PELP1: variants seen among roughly 807,000 people sequenced by gnomAD.
The protein encoded by PELP1 is proline-, glutamic acid- and leucine-rich protein 1.
Under a neutral mutation model 95.5 loss-of-function variants are expected in PELP1, and 32 were observed. The ratio of observed to expected loss-of-function variants is 0.34; its 90% CI spans 0.25 to 0.45. The LOEUF (loss-of-function observed/expected upper bound fraction) is 0.45. Among genes scored for constraint, PELP1 ranks in the 20% least tolerant of loss-of-function variants. The pLI, the probability that PELP1 is intolerant of heterozygous loss-of-function variation, is 1.00. For missense variants in PELP1, 1,358 were observed against 1,444.8 expected, an observed-to-expected ratio of 0.94 and a Z score of 0.97; for synonymous variants, 668 against 600.1, an observed-to-expected ratio of 1.11 and a Z score of -1.65.
At position 4,672,765 on chromosome 17, in the gene PELP1, A is replaced by G; in HGVS notation, c.2226T>C (p.Pro742=). 1 of 1,613,548 alleles carries G rather than the reference A, an allele frequency of 6.2e-7. No individual in the cohort carries two copies. Among genetic ancestry groups the G allele is most frequent in the Non-Finnish European group, 8.5e-7 (1 of 1,179,648 alleles). Residue 742 remains proline, a synonymous_variant, in exon 16 of 17, where the codon CCT becomes CCC. Transcript: ENST00000572293. ...GTATAGTAGGTGGGGGAGTCCCACTAGGGGCAAGGATGGGGTCCTCATTTG... is the reference window on the plus strand; with the variant it reads ...GTATAGTAGGTGGGGGAGTCCCACTGGGGGCAAGGATGGGGTCCTCATTTG... The part of the protein sequence containing the change: ...AGSNEDPILA[P]SGTPPPTIPP...
intron 1 of PELP1, among the ~76,000 whole-genome samples, chr17:4,703,326 G>A (rs1186220166): frequency 1.3e-5 from 2 of 152,022 alleles, no homozygotes; most frequent in Non-Finnish European, 2.9e-5. Flanking sequence ...CATCCTTAGG[G>A]TCTCAGCTTA....
At chr17:4,690,008 A>G (rs188387535) in intron 3 of PELP1, among the ~76,000 whole-genome samples, 5 of 152,306 alleles carry the variant, frequency 3.3e-5, no homozygotes, top group Admixed American at 2.6e-4. Context: ...CCTGGGCGAC[A>G]GAGCAAAACT....
chr17:4,700,325 A>G (rs1913473550), intron 1 of PELP1, among the ~76,000 whole-genome samples: 1 of 151,994 alleles, frequency 6.6e-6, no homozygotes, highest in Non-Finnish European at 1.5e-5. Flanking sequence ...AGATTTTTTT[A>G]TTTAAGTAGG....
chr17:4,672,287 CCTCT>C lies in PELP1; in HGVS notation c.2700_2703del (p.Glu901LysfsTer41). On this transcript the variant is annotated frameshift_variant, in exon 16 of 17. Transcript: ENST00000572293. LOFTEE classifies it high-confidence loss of function. Reference sequence around the variant, plus strand: ...AAGTCTTCCTCCTCTTCCTCTTCTTCCTCTTCTTCTTCTTCCTCTTCTTCCTCTT... The same window carrying C: ...AAGTCTTCCTCCTCTTCCTCTTCTTCTCTTCTTCTTCCTCTTCTTCCTCTT... 1 of 1,551,228 alleles carries C rather than the reference CCTCT, an allele frequency of 6.4e-7. No individual in the cohort carries two copies. The highest frequency in any genetic ancestry group is 8.7e-7 in the Non-Finnish European group (1 of 1,146,552).
Position 4,673,199 on chromosome 17 carries a change from G to A in PELP1, c.1845+51C>T. 3 of 1,529,606 alleles carry A rather than the reference G, an allele frequency of 2.0e-6. No individual in the cohort carries two copies. The highest frequency in any genetic ancestry group is 2.4e-5 in the South Asian group (2 of 81,962). 94.8% of individuals were successfully genotyped at this position (1,529,606 alleles called of 1,614,324 possible). ...GCACCAGAAATACTGGGAGTCTCTT[G>A]GAAACAAGAGACTCCAGGAACCAAA... On this transcript the variant is annotated intron_variant, in intron 15 of 16. Transcript: ENST00000572293. This position sits in a 1 kb window ranked among gnomAD's most constrained non-coding sequence, Gnocchi z 5.7.
intron 5 of PELP1, among the ~76,000 whole-genome samples, chr17:4,681,113 A>G (rs1912667871): frequency 6.6e-6 from 1 of 152,224 alleles, no homozygotes; most frequent in South Asian, 2.1e-4. Context: ...ATACACAGAA[A>G]GAAGTGTTAG....
chr17:4,699,108 C>T (rs1050339480), intron 1 of PELP1, among the ~76,000 whole-genome samples: 2 of 152,124 alleles, frequency 1.3e-5, no homozygotes, highest in African/African-American at 4.8e-5. Context: ...CAGCCAGGTG[C>T]GGTGGCTCAG....
intron 5 of PELP1, among the ~76,000 whole-genome samples, chr17:4,679,100 C>T (rs1157543133): frequency 1.3e-5 from 2 of 151,908 alleles, no homozygotes; most frequent in Non-Finnish European, 2.9e-5. Flanking sequence ...GATCTCAGCT[C>T]ACTGCACCCT....
chr17:4,682,526 G>A lies in PELP1; in HGVS notation c.618C>T (p.Phe206=), dbSNP rs11541059. ...LEGMKACMTY[F]PRACGSLKGK... is the part of the protein sequence containing the mutation. The stretch of plus-strand genomic sequence containing the variant: ...CTTTGAGAGAACCACAAGCCCGAGG[G>A]AAATAGGTCATACAAGCCTTCATTC... Residue 206 remains phenylalanine, a synonymous_variant, in exon 5 of 17, where the codon TTC becomes TTT. Transcript: ENST00000572293. 67,479 of 1,611,920 alleles carry A rather than the reference G, an allele frequency of 0.042. 1,943 individuals are homozygous for A. Among genetic ancestry groups the A allele is most frequent in the Admixed American group, 0.13 (7,687 of 60,010 alleles).
Position 4,673,915 on chromosome 17 carries a change from A to G in PELP1, c.1583-241T>C, listed in dbSNP as rs1436166058. On this transcript the variant is annotated intron_variant, in intron 13 of 16. Transcript: ENST00000572293. This position sits in a 1 kb window ranked among gnomAD's most constrained non-coding sequence, Gnocchi z 5.7. ...AAATTTTATAATTTTGCATTTATAT[A>G]TTTGGGAACAATCGGTTCTCCCCTT... The G allele has an allele frequency of 1.9e-6, 1 of 514,210 alleles. No homozygotes were observed. The highest frequency in any genetic ancestry group is 1.9e-5 in the African/African-American group (1 of 52,378). 31.9% of individuals were successfully genotyped at this position (514,210 alleles called of 1,614,324 possible).
In PELP1 at chr17:4,693,805, C is replaced by T. The variant is rs149623893; in HGVS notation, c.250-2363G>A. Among the ~76,000 whole-genome samples, 44 of 152,250 alleles carry T rather than the reference C, an allele frequency of 2.9e-4. No homozygotes were observed. The East Asian group carries it at 8.5e-3, about 29-fold the overall frequency. On this transcript the variant is annotated intron_variant, in intron 1 of 16. Coordinates refer to ENST00000572293, the MANE Select transcript of PELP1 (RefSeq NM_014389.3). Reference sequence around the variant, plus strand: ...AATTACTTATTTCTGGAATTTTCCACCTAATATTTTCAGACCACGGTTGAC... The same window carrying T: ...AATTACTTATTTCTGGAATTTTCCATCTAATATTTTCAGACCACGGTTGAC...
chr17:4,702,101 A>G (rs1215951415), intron 1 of PELP1, among the ~76,000 whole-genome samples: 2 of 152,180 alleles, frequency 1.3e-5, no homozygotes, highest in Non-Finnish European at 1.5e-5. Flanking sequence ...GGGATAGGTA[A>G]TATTTCACAA....
intron 8 of PELP1, 21 bp downstream of exon 8, chr17:4,676,015 C>G: frequency 6.2e-7 from 1 of 1,613,284 alleles, no homozygotes. Flanking sequence ...CGCCTCCGCT[C>G]CCTCCAATAC....
At chr17:4,691,649 A>C (rs1229119182) in intron 1 of PELP1, 1 of 571,806 alleles carries the variant, frequency 1.7e-6, no homozygotes, top group South Asian at 2.2e-5. Context: ...CTCAAGTTAT[A>C]TTTTGCCTGA....
At chr17:4,700,477 T>C (rs971971188) in intron 1 of PELP1, among the ~76,000 whole-genome samples, 1 of 152,070 alleles carries the variant, frequency 6.6e-6, no homozygotes, top group Non-Finnish European at 1.5e-5. Flanking sequence ...AAACTCCGTC[T>C]CTACTAAAAA....
intron 1 of PELP1, among the ~76,000 whole-genome samples, chr17:4,699,665 C>A (rs1374526756): frequency 5.3e-5 from 8 of 152,162 alleles, no homozygotes; most frequent in Admixed American, 5.2e-4. Context: ...CGGCTCACTG[C>A]AATGTCTGCC....
chr17:4,703,863 C>G lies in PELP1; in HGVS notation c.249G>C (p.Gln83His), dbSNP rs1285360690. The change falls in exon 1 of 17, where the codon CAG becomes CAC. Residue 83 changes from glutamine to histidine, a missense_variant and splice_region_variant. Transcript: ENST00000572293. Reference protein sequence around the residue: ...LRLHGSVGGAQNLSALGALVS... With the variant: ...LRLHGSVGGAHNLSALGALVS... ...GCGGGCACGCGGGCCACGGACTCAC[C>G]TGGGCCCCGCCCACCGACCCATGCA... 1.2e-6 allele frequency: 2 copies of G among 1,609,596 alleles called. No individual in the cohort carries two copies. Among genetic ancestry groups the G allele is most frequent in the Non-Finnish European group, 1.7e-6 (2 of 1,178,096 alleles).
intron 5 of PELP1, among the ~76,000 whole-genome samples, chr17:4,679,289 G>A (rs9899967): frequency 0.046 from 7,015 of 152,162 alleles, 499 homozygotes; most frequent in African/African-American, 0.16. Context: ...GGAAATAAAG[G>A]TAAGACACTC....
At chr17:4,692,116 TA>T (rs759469097) in intron 1 of PELP1, among the ~76,000 whole-genome samples, 4 of 152,286 alleles carry the variant, frequency 2.6e-5, no homozygotes, top group East Asian at 3.9e-4. Flanking sequence ...CAGAGCTGAA[TA>T]AAATTAATAA....
Sources: gnomAD v4.1 joint callset for allele counts (sites outside exome capture counted in the v4.1 genomes callset) on GRCh38, gnomAD v4.1.1 for gene constraint, Gnocchi (gnomAD v3.1) non-coding constraint, MANE v1.5 for transcripts, NCBI Gene and HGNC (gene_info 2026-07-23, HGNC 2026-07-21) for gene names.